The following CACNG2 variants were observed in gnomAD, a reference collection of about 807,000 sequenced individuals.
The protein encoded by CACNG2 is voltage-dependent calcium channel gamma-2 subunit.
Under a neutral mutation model 25.9 loss-of-function variants are expected in CACNG2, and 3 were observed. That is an observed-to-expected ratio of 0.12 (90% confidence interval 0.05 to 0.30). The LOEUF (loss-of-function observed/expected upper bound fraction) is 0.30. Among genes scored for constraint, CACNG2 ranks in the 10% least tolerant of loss-of-function variants. The probability of loss-of-function intolerance (pLI) is 1.00; values close to 1 mark genes in which losing one functional copy is unlikely to be tolerated. For missense variants in CACNG2, 341 were observed against 432.5 expected (o/e 0.79, Z 1.88); for synonymous variants, 167 against 173.3 (o/e 0.96, Z 0.29).
intron 1 of CACNG2, among the ~76,000 whole-genome samples, chr22:36,670,240 G>C (rs890307333): frequency 1.3e-5 from 2 of 152,162 alleles, no homozygotes; most frequent in Admixed American, 6.5e-5. Context: ...TATGAAAAGA[G>C]AATTCAGGAA....
intron 1 of CACNG2, among the ~76,000 whole-genome samples, chr22:36,698,530 TCACCTCG>T: frequency 6.6e-6 from 1 of 152,186 alleles, no homozygotes; most frequent in Admixed American, 6.5e-5. Context: ...GAGCACTGTA[TCACCTCG>T]CAGGCCATCA....
chr22:36,578,290 G>C (rs777897017), intron 2 of CACNG2, among the ~76,000 whole-genome samples: 7 of 151,216 alleles, frequency 4.6e-5, no homozygotes, highest in Non-Finnish European at 8.8e-5. Context: ...CCCAGGAGGC[G>C]GAGGTTGCAG....
At chr22:36,618,753 T>A (rs1222171006) in intron 1 of CACNG2, among the ~76,000 whole-genome samples, 1 of 152,080 alleles carries the variant, frequency 6.6e-6, no homozygotes, top group East Asian at 1.9e-4. Flanking sequence ...ACCCCGTCTC[T>A]ACTAAAAATA....
At chr22:36,695,174 C>A (rs1231463821) in intron 1 of CACNG2, among the ~76,000 whole-genome samples, 1 of 151,922 alleles carries the variant, frequency 6.6e-6, no homozygotes, top group Non-Finnish European at 1.5e-5. Flanking sequence ...TATGATCATG[C>A]CACTGCACTT....
At chr22:36,575,608 G>A (rs918660377) in intron 2 of CACNG2, among the ~76,000 whole-genome samples, 5 of 152,202 alleles carry the variant, frequency 3.3e-5, no homozygotes, top group Non-Finnish European at 7.3e-5. Context: ...CACGGGACCT[G>A]AGCATGTGCT....
intron 1 of CACNG2, among the ~76,000 whole-genome samples, chr22:36,610,275 CGTGATTGGGCAGGAATCAGCCGCTT>C (rs1569028658): frequency 3.5e-5 from 5 of 141,930 alleles, no homozygotes; most frequent in Non-Finnish European, 7.7e-5. Context: ...CCCCTTAGAG[CGTGATTGGGCAGGAATCAGCCGCTT>C]AGAGCGTGAT....
intron 1 of CACNG2, among the ~76,000 whole-genome samples, chr22:36,675,205 T>C (rs1937005262): frequency 6.6e-6 from 1 of 152,082 alleles, no homozygotes; most frequent in Non-Finnish European, 1.5e-5. Context: ...CCCAGCTATT[T>C]TTTTTCTTTT....
intron 1 of CACNG2, among the ~76,000 whole-genome samples, chr22:36,599,140 G>T (rs1039334644): frequency 2.0e-5 from 3 of 152,182 alleles, no homozygotes; most frequent in African/African-American, 7.2e-5. Context: ...GAATAGCCCA[G>T]ATTTCTATTA....
intron 1 of CACNG2, among the ~76,000 whole-genome samples, chr22:36,655,492 A>C (rs1369481374): frequency 6.6e-6 from 1 of 152,092 alleles, no homozygotes; most frequent in Non-Finnish European, 1.5e-5. Context: ...TGTCCCTTCC[A>C]TGGCCTCAAG....
chr22:36,658,985 C>T (rs781359892), intron 1 of CACNG2, among the ~76,000 whole-genome samples: 9 of 151,960 alleles, frequency 5.9e-5, no homozygotes, highest in South Asian at 2.1e-4. Flanking sequence ...GGTGGCTCTC[C>T]GAAGTGTATG....
intron 1 of CACNG2, among the ~76,000 whole-genome samples, chr22:36,605,720 T>C (rs1935821320): frequency 6.6e-6 from 1 of 152,196 alleles, no homozygotes; most frequent in Non-Finnish European, 1.5e-5. Flanking sequence ...TAGGTGTGAT[T>C]ATGTTTTGCT....
At chr22:36,615,069 G>T (rs1027668962) in intron 1 of CACNG2, among the ~76,000 whole-genome samples, 11 of 152,142 alleles carry the variant, frequency 7.2e-5, no homozygotes, top group Admixed American at 7.2e-4. Context: ...TGTGTATTTT[G>T]TTCACAATGT....
Position 36,702,895 on chromosome 22 carries a change from T to A in CACNG2, c.-319A>T. ...AAAAGACACCCCCCACCCCCCCAAGTGAGATGCCTTAATCTCTTTTTCTAA... is the reference window on the plus strand; with the variant it reads ...AAAAGACACCCCCCACCCCCCCAAGAGAGATGCCTTAATCTCTTTTTCTAA... On this transcript the variant is annotated 5_prime_UTR_variant, in exon 1 of 4. Coordinates refer to ENST00000300105, the MANE Select transcript of CACNG2 (RefSeq NM_006078.5). 1 of 242,080 alleles carries A rather than the reference T, an allele frequency of 4.1e-6. No individual in the cohort carries two copies. The highest frequency in any genetic ancestry group is 1.1e-4 in the East Asian group (1 of 9,134). The allele number at this position is 242,080 out of a possible 1,614,324, so 15.0% of individuals were successfully genotyped here.
chr22:36,581,205 A>G (rs1257451505), intron 2 of CACNG2, among the ~76,000 whole-genome samples: 2 of 152,176 alleles, frequency 1.3e-5, no homozygotes, highest in Admixed American at 6.5e-5. Context: ...AGCCAGTTAT[A>G]GGTGGGGCGA....
chr22:36,564,268 C>T lies in CACNG2; in HGVS notation c.*83G>A. The T allele has an allele frequency of 7.9e-7, 1 of 1,271,068 alleles. No individual in the cohort carries two copies. Among genetic ancestry groups the T allele is most frequent in the Non-Finnish European group, 1.1e-6 (1 of 934,168 alleles). The allele number at this position is 1,271,068 out of a possible 1,614,324, so 78.7% of individuals were successfully genotyped here. The stretch of plus-strand genomic sequence containing the variant: ...TTTTTGCTTTTGGAAGGTCTCCCAG[C>T]GGAGGGTCTGGGTCTCCCCGCCCCG... On this transcript the variant is annotated 3_prime_UTR_variant, in exon 4 of 4. Coordinates refer to ENST00000300105, the MANE Select transcript of CACNG2 (RefSeq NM_006078.5). The surrounding 1 kb of genome is among the most constrained non-coding windows in gnomAD (Gnocchi z 6.7).
chr22:36,564,288 G>A lies in CACNG2; in HGVS notation c.*63C>T. Reference sequence around the variant, plus strand: ...CCCAGCGGAGGGTCTGGGTCTCCCCGCCCCGCCCCGCCCCCGGGGACCGCG... The same window carrying A: ...CCCAGCGGAGGGTCTGGGTCTCCCCACCCCGCCCCGCCCCCGGGGACCGCG... On this transcript the variant is annotated 3_prime_UTR_variant, in exon 4 of 4. Transcript: ENST00000300105. This position sits in a 1 kb window ranked among gnomAD's most constrained non-coding sequence, Gnocchi z 6.7. 1 of 1,241,462 alleles carries A rather than the reference G, an allele frequency of 8.1e-7. No homozygotes were observed. Among genetic ancestry groups the A allele is most frequent in the Non-Finnish European group, 1.1e-6 (1 of 888,050 alleles). The allele number at this position is 1,241,462 out of a possible 1,614,324, so 76.9% of individuals were successfully genotyped here.
At chr22:36,649,896 A>G (rs2145974098) in intron 1 of CACNG2, among the ~76,000 whole-genome samples, 1 of 152,356 alleles carries the variant, frequency 6.6e-6, no homozygotes, top group South Asian at 2.1e-4. Context: ...CTGTGAGTCC[A>G]TTAAACCTCT....
intron 1 of CACNG2, among the ~76,000 whole-genome samples, chr22:36,636,964 G>C (rs1054229549): frequency 6.6e-6 from 1 of 152,224 alleles, no homozygotes; most frequent in Non-Finnish European, 1.5e-5. Flanking sequence ...CAGAGGACTT[G>C]TGTTATTAAA....
intron 1 of CACNG2, among the ~76,000 whole-genome samples, chr22:36,629,304 C>T (rs1936231957): frequency 6.6e-6 from 1 of 152,140 alleles, no homozygotes. Flanking sequence ...ACTCAATAGG[C>T]AGTCACCCAG....
Sources: gnomAD v4.1 joint callset for allele counts (sites outside exome capture counted in the v4.1 genomes callset) on GRCh38, gnomAD v4.1.1 for gene constraint, Gnocchi (gnomAD v3.1) non-coding constraint, MANE v1.5 for transcripts, NCBI Gene and HGNC (gene_info 2026-07-23, HGNC 2026-07-21) for gene names.